The following CSMD3 variants were observed in gnomAD, a reference collection of about 807,000 sequenced individuals.
CSMD3 encodes the protein CUB and Sushi multiple domains 3.
Under a neutral mutation model 435.2 loss-of-function variants are expected in CSMD3, and 177 were observed. That is an observed-to-expected ratio of 0.41 (90% CI 0.36 to 0.46). CSMD3 has a LOEUF of 0.46. Among genes scored for constraint, CSMD3 ranks in the 20% least tolerant of loss-of-function variants. The probability of loss-of-function intolerance (pLI) is 0.34; values close to 1 mark genes in which losing one functional copy is unlikely to be tolerated. For missense variants in CSMD3, 4,265 were observed against 4,504.6 expected, an observed-to-expected ratio of 0.95 and a Z score of 1.52; for synonymous variants, 1,656 against 1,520.5, an observed-to-expected ratio of 1.09 and a Z score of -2.07.
chr8:112,452,894 A>C (rs1389916625), intron 32 of CSMD3, among the ~76,000 whole-genome samples: 1 of 152,202 alleles, frequency 6.6e-6, no homozygotes, highest in African/African-American at 2.4e-5. Context: ...CACTGAAAAG[A>C]ATCACAAAAC....
chr8:113,361,304 G>T (rs2094274423), intron 1 of CSMD3, among the ~76,000 whole-genome samples: 1 of 152,088 alleles, frequency 6.6e-6, no homozygotes, highest in Non-Finnish European at 1.5e-5. Flanking sequence ...AGAGAAAAAG[G>T]CTTGTACCAT....
chr8:113,158,941 G>A (rs1323463379), intron 4 of CSMD3, among the ~76,000 whole-genome samples: 2 of 151,898 alleles, frequency 1.3e-5, no homozygotes, highest in African/African-American at 4.8e-5. Flanking sequence ...TTGAAACCTA[G>A]AAGGGTTTTC....
intron 2 of CSMD3, chr8:113,313,564 C>A (rs2093886889): frequency 6.6e-6 from 1 of 152,040 alleles, no homozygotes; most frequent in South Asian, 2.1e-4. Context: ...AATATAAATG[C>A]AAAGGAATAT....
At chr8:113,227,444 A>C (rs569811123) in intron 3 of CSMD3, among the ~76,000 whole-genome samples, 142 of 151,724 alleles carry the variant, frequency 9.4e-4, no homozygotes, top group Admixed American at 1.5e-3. Context: ...ACTAATTAAA[A>C]AGAAATATAA....
Position 112,829,798 on chromosome 8 carries a change from A to T in CSMD3, c.1756-9T>A. The T allele has an allele frequency of 6.9e-7, 1 of 1,446,022 alleles. No individual in the cohort carries two copies. The highest frequency in any genetic ancestry group is 9.7e-7 in the Non-Finnish European group (1 of 1,027,148). 89.6% of individuals were successfully genotyped at this position (1,446,022 alleles called of 1,614,324 possible). A position where few individuals can be genotyped will look rare whatever the true frequency, so the allele number is the denominator to read the frequency against. Reference sequence around the variant, plus strand: ...AAATTTATCTGGATAACCTAGCAGTAAACAGAAACATGCACCTTAAATATA... The same window carrying T: ...AAATTTATCTGGATAACCTAGCAGTTAACAGAAACATGCACCTTAAATATA... On this transcript the variant is annotated splice_polypyrimidine_tract_variant and intron_variant, in intron 11 of 70. Coordinates refer to ENST00000297405, the MANE Select transcript of CSMD3 (RefSeq NM_198123.2).
intron 32 of CSMD3, among the ~76,000 whole-genome samples, chr8:112,428,552 A>G (rs1477664424): frequency 1.3e-5 from 2 of 152,178 alleles, no homozygotes; most frequent in Admixed American, 1.3e-4. Context: ...ATATTCCTGG[A>G]GCTGAGAATA....
chr8:112,457,985 A>T (rs572904376), intron 32 of CSMD3, among the ~76,000 whole-genome samples: 3 of 152,072 alleles, frequency 2.0e-5, no homozygotes, highest in African/African-American at 7.2e-5. Flanking sequence ...CTCACCCAGG[A>T]TAAAGGATTA....
chr8:113,246,412 T>C (rs1015175850), intron 3 of CSMD3, among the ~76,000 whole-genome samples: 2 of 152,088 alleles, frequency 1.3e-5, no homozygotes, highest in African/African-American at 4.8e-5. Flanking sequence ...AGAATTTCTA[T>C]GTGGTTCTTT....
At position 112,850,818 on chromosome 8, in the gene CSMD3, T is replaced by C. The variant is rs191378188; in HGVS notation, c.1755+8327A>G. ...TGTAAATTGTACCACTGTGTCCAAA[T>C]TGAAGCTGCCAAAGAGACTGAATAC... On this transcript the variant is annotated intron_variant, in intron 11 of 70. Coordinates refer to ENST00000297405, the MANE Select transcript of CSMD3 (RefSeq NM_198123.2). Among the ~76,000 whole-genome samples the C allele has an allele frequency of 1.6e-4, 24 of 152,256 alleles. 1 individual carries two copies. The highest frequency in any genetic ancestry group is 5.5e-4 in the African/African-American group (23 of 41,556).
At chr8:112,648,677 T>C (rs1034340501) in intron 19 of CSMD3, among the ~76,000 whole-genome samples, 2 of 152,178 alleles carry the variant, frequency 1.3e-5, no homozygotes, top group African/African-American at 4.8e-5. Context: ...ATATTTGCTT[T>C]TATTATTAAT....
intron 32 of CSMD3, among the ~76,000 whole-genome samples, chr8:112,416,006 C>T (rs1811873278): frequency 6.6e-6 from 1 of 152,070 alleles, no homozygotes; most frequent in Non-Finnish European, 1.5e-5. Context: ...TGAACTTGTA[C>T]TTTTGGGTTA....
At chr8:112,813,604 T>C (rs139480352) in intron 12 of CSMD3, among the ~76,000 whole-genome samples, 25 of 152,260 alleles carry the variant, frequency 1.6e-4, no homozygotes, top group African/African-American at 5.3e-4. Flanking sequence ...AAATTTTCGC[T>C]GTTTATAGCT....
chr8:113,374,796 T>C (rs1270104003), intron 1 of CSMD3, among the ~76,000 whole-genome samples: 2 of 127,700 alleles, frequency 1.6e-5, no homozygotes, highest in African/African-American at 6.1e-5. Flanking sequence ...TACACTGCCA[T>C]ATGCACCTTG....
chr8:112,907,513 C>T (rs2082295990), intron 10 of CSMD3, among the ~76,000 whole-genome samples: 1 of 151,120 alleles, frequency 6.6e-6, no homozygotes, highest in African/African-American at 2.4e-5. Flanking sequence ...GCATTAATTA[C>T]TTGTAGTCAG....
chr8:112,377,836 A>G (rs1173151524), intron 38 of CSMD3, among the ~76,000 whole-genome samples: 5 of 152,150 alleles, frequency 3.3e-5, no homozygotes, highest in Admixed American at 2.0e-4. Context: ...TAGGTATATA[A>G]GAAATTTACC....
chr8:112,744,983 A>G lies in CSMD3; in HGVS notation c.1973-54933T>C, dbSNP rs182919423. On this transcript the variant is annotated intron_variant, in intron 13 of 70. Coordinates refer to ENST00000297405, the MANE Select transcript of CSMD3 (RefSeq NM_198123.2). ...GGTCACATATCTGATTTACAAATAT[A>G]ACTCTGAAGATGATGTGTTTGAGGG... Among the ~76,000 whole-genome samples, 57 of 152,260 alleles carry G rather than the reference A, an allele frequency of 3.7e-4. No homozygotes were observed. In the East Asian group the frequency reaches 9.8e-3, roughly 26 times the overall value.
Position 112,287,256 on chromosome 8 carries a change from A to T in CSMD3, c.9149-10T>A, listed in dbSNP as rs1819298606. The T allele has an allele frequency of 8.7e-6, 14 of 1,613,334 alleles. No homozygotes were observed. Among genetic ancestry groups the T allele is most frequent in the Non-Finnish European group, 1.2e-5 (14 of 1,179,452 alleles). ...GTCCCAGTAGCATCACCTGCAATGCAGTACAGTTCAAGTTAACCAATTCCC... is the reference window on the plus strand; with the variant it reads ...GTCCCAGTAGCATCACCTGCAATGCTGTACAGTTCAAGTTAACCAATTCCC... On this transcript the variant is annotated splice_polypyrimidine_tract_variant and intron_variant, in intron 57 of 70. Coordinates refer to ENST00000297405, the MANE Select transcript of CSMD3 (RefSeq NM_198123.2).
In CSMD3 at chr8:113,231,779, C is replaced by T. The variant is rs574254311; in HGVS notation, c.514+46813G>A. ...ATTCTCAAAAAATATTAGATAAATA[C>T]CTTTTCCCTAAAAACAGGAGTGATA... On this transcript the variant is annotated intron_variant, in intron 3 of 70. Coordinates refer to ENST00000297405, the MANE Select transcript of CSMD3 (RefSeq NM_198123.2). Among the ~76,000 whole-genome samples, 551 of 150,942 alleles carry T rather than the reference C, an allele frequency of 3.7e-3. 1 individual carries two copies. Among genetic ancestry groups the T allele is most frequent in the African/African-American group, 0.013 (532 of 40,986 alleles).
At position 113,423,040 on chromosome 8, in the gene CSMD3, G is replaced by A. The variant is rs554109771; in HGVS notation, c.178+13637C>T. On this transcript the variant is annotated intron_variant, in intron 1 of 70. Transcript: ENST00000297405. Reference sequence around the variant, plus strand: ...GTTTCATATACATAATATATAAATAGCCTGAATATAATTGTTTAATATATA... The same window carrying A: ...GTTTCATATACATAATATATAAATAACCTGAATATAATTGTTTAATATATA... Among the ~76,000 whole-genome samples the A allele has an allele frequency of 5.3e-5, 8 of 151,938 alleles. No individual in the cohort carries two copies. In the South Asian group the frequency reaches 8.3e-4, roughly 16 times the overall value.
Sources: allele counts gnomAD v4.1 joint callset (sites outside exome capture counted in the v4.1 genomes callset), GRCh38; gene constraint gnomAD v4.1.1; transcripts MANE v1.5; gene names NCBI Gene and HGNC (gene_info 2026-07-23, HGNC 2026-07-21).